The following UGDH variants were observed in gnomAD, a reference collection of about 807,000 sequenced individuals.
UGDH encodes UDP-glucose 6-dehydrogenase.
UGDH carries 38 observed loss-of-function variants against 50.6 expected under a neutral mutation model. The observed-to-expected ratio is 0.75, with a 90% CI of 0.58 to 0.98. UGDH has a LOEUF of 0.98. Ranked by LOEUF, UGDH falls within the 50% of genes least tolerant of loss-of-function variation. The probability of loss-of-function intolerance (pLI) is 0.00; values close to 1 mark genes in which losing one functional copy is unlikely to be tolerated. For missense variants in UGDH, 465 were observed against 606.2 expected (o/e 0.77, Z 2.45); for synonymous variants, 168 against 199.9 (o/e 0.84, Z 1.35).
Position 39,521,527 on chromosome 4 carries a change from G to T in UGDH, c.-7-8C>A, listed in dbSNP as rs1746662109. The stretch of plus-strand genomic sequence containing the variant: ...ATTTCAAACATGATTGTACTAGAAG[G>T]AAAACAGTAAGACTGTTCTAGTATT... On this transcript the variant is annotated splice_polypyrimidine_tract_variant and splice_region_variant and intron_variant, in intron 1 of 11. Coordinates refer to ENST00000316423, the MANE Select transcript of UGDH (RefSeq NM_003359.4). The T allele has an allele frequency of 6.4e-7, 1 of 1,572,822 alleles. No homozygotes were observed. Among genetic ancestry groups the T allele is most frequent in the Non-Finnish European group, 8.6e-7 (1 of 1,159,654 alleles).
chr4:39,506,971 A>C (rs1746054139), intron 7 of UGDH, among the ~76,000 whole-genome samples: 1 of 152,208 alleles, frequency 6.6e-6, no homozygotes, highest in South Asian at 2.1e-4. Context: ...TAGGCTGGAC[A>C]ACACAGTGAG....
chr4:39,526,528 G>A (rs893850716), intron 1 of UGDH: 3 of 152,550 alleles, frequency 2.0e-5, no homozygotes, highest in African/African-American at 7.2e-5. Context: ...TGTCTTTGAG[G>A]TCTGTCGATA....
At chr4:39,503,738 T>A (rs1002879063) in intron 11 of UGDH, 137 bp downstream of exon 11, 8 of 639,496 alleles carry the variant, frequency 1.3e-5, no homozygotes, top group African/African-American at 1.9e-5. Flanking sequence ...GAAGGTATCA[T>A]CTTAATTAGC....
chr4:39,508,828 T>C (rs888399097), intron 6 of UGDH, among the ~76,000 whole-genome samples, 168 bp from the exon 7 acceptor site: 1 of 151,740 alleles, frequency 6.6e-6, no homozygotes, highest in African/African-American at 2.4e-5. Flanking sequence ...TGCAGGCAAC[T>C]AAACAACTCC....
rs1198091840 is a variant in UGDH, at chr4:39,509,750, T to C, written c.811+10A>G. The C allele has an allele frequency of 6.9e-6, 11 of 1,596,044 alleles. No individual in the cohort carries two copies. Among genetic ancestry groups the C allele is most frequent in the African/African-American group, 2.7e-5 (2 of 73,668 alleles). On this transcript the variant is annotated intron_variant, in intron 6 of 11. Transcript: ENST00000316423. Reference sequence around the variant, plus strand: ...CTAGCTCTTTCTACTAGAGAAAAATTTGAATTTACCAACACTGGCTTTTAG... The same window carrying C: ...CTAGCTCTTTCTACTAGAGAAAAATCTGAATTTACCAACACTGGCTTTTAG...
intron 11 of UGDH, among the ~76,000 whole-genome samples, chr4:39,502,134 AG>A (rs1745842155): frequency 6.6e-6 from 1 of 152,230 alleles, no homozygotes; most frequent in African/African-American, 2.4e-5. Context: ...CTTTTCCCTT[AG>A]ATGAGTAAAA....
rs773469285 is a variant in UGDH at position 39,500,266 on chromosome 4, T to C, written c.1375-13A>G. 1.3e-6 allele frequency: 2 copies of C among 1,502,158 alleles called. No homozygotes were observed. The highest frequency in any genetic ancestry group is 3.6e-5 in the Admixed American group (2 of 55,078). The allele number at this position is 1,502,158 out of a possible 1,614,324, so 93.1% of individuals were successfully genotyped here. A position where few individuals can be genotyped will look rare whatever the true frequency, so the allele number is the denominator to read the frequency against. On this transcript the variant is annotated splice_polypyrimidine_tract_variant and intron_variant, in intron 11 of 11. Coordinates refer to ENST00000316423, the MANE Select transcript of UGDH (RefSeq NM_003359.4). ...CAATTGTTTCAATCTGAAAAAAAAA[T>C]AAAATTTAAGAGAACTATTAACAAT... is the stretch of plus-strand genomic sequence containing the variant.
Position 39,499,973 on chromosome 4 carries a change from T to C in UGDH, c.*170A>G. On this transcript the variant is annotated 3_prime_UTR_variant, in exon 12 of 12. Transcript: ENST00000316423. ...TGAACCTGGGAAGCAGAGCTTGCAGTGAGCCGAGATTGCACCACTGCACTC... is the reference window on the plus strand; with the variant it reads ...TGAACCTGGGAAGCAGAGCTTGCAGCGAGCCGAGATTGCACCACTGCACTC... 2.3e-6 allele frequency: 1 copy of C among 443,982 alleles called. No homozygotes were observed. Among genetic ancestry groups the C allele is most frequent in the Non-Finnish European group, 4.1e-6 (1 of 245,462 alleles). 27.5% of individuals were successfully genotyped at this position (443,982 alleles called of 1,614,324 possible).
chr4:39,520,995 G>A (rs1198144043), intron 2 of UGDH, among the ~76,000 whole-genome samples: 3 of 149,696 alleles, frequency 2.0e-5, no homozygotes, highest in Non-Finnish European at 3.0e-5. Flanking sequence ...GTTTGAACCC[G>A]TGAGGTGGGT....
intron 7 of UGDH, among the ~76,000 whole-genome samples, chr4:39,507,669 C>T (rs1746079906): frequency 6.6e-6 from 1 of 152,102 alleles, no homozygotes; most frequent in Non-Finnish European, 1.5e-5. Flanking sequence ...AAGAATTAGG[C>T]TAGGTTCACT....
chr4:39,514,918 G>T (rs371226360), intron 2 of UGDH, among the ~76,000 whole-genome samples: 5 of 151,968 alleles, frequency 3.3e-5, no homozygotes, highest in East Asian at 3.9e-4. Context: ...CTGACCTCAG[G>T]TAATCCACCT....
chr4:39,518,745 C>A (rs758280708), intron 2 of UGDH, among the ~76,000 whole-genome samples: 16 of 152,126 alleles, frequency 1.1e-4, no homozygotes, highest in Non-Finnish European at 2.2e-4. Flanking sequence ...AAGCATGAGC[C>A]ACTGTGCCTG....
chr4:39,505,025 G>A (rs1745972745), intron 9 of UGDH, among the ~76,000 whole-genome samples: 1 of 152,184 alleles, frequency 6.6e-6, no homozygotes, highest in African/African-American at 2.4e-5. Context: ...GATTTGTGGA[G>A]TATGTTGGAA....
intron 2 of UGDH, among the ~76,000 whole-genome samples, chr4:39,515,490 C>G (rs1228724090): frequency 2.7e-5 from 3 of 110,250 alleles, no homozygotes; most frequent in Non-Finnish European, 5.9e-5. Flanking sequence ...TGCAAGGAAC[C>G]CTTTTATTTA....
At chr4:39,513,768 C>T (rs1746337916) in intron 3 of UGDH, among the ~76,000 whole-genome samples, 1 of 151,922 alleles carries the variant, frequency 6.6e-6, no homozygotes, top group African/African-American at 2.4e-5. Flanking sequence ...ATCTCTTGAC[C>T]TTGTGATCTG....
At chr4:39,527,040 C>A (rs1296832774) in intron 1 of UGDH, 10 of 1,289,376 alleles carry the variant, frequency 7.8e-6, no homozygotes, top group Non-Finnish European at 1.0e-5. Flanking sequence ...AGAGAAGGGG[C>A]TGGAAGACTC....
At position 39,500,216 on chromosome 4, in the gene UGDH, A is replaced by G; in HGVS notation, c.1412T>C (p.Ile471Thr). The G allele has an allele frequency of 1.2e-6, 2 of 1,603,936 alleles. No individual in the cohort carries two copies. The highest frequency in any genetic ancestry group is 2.2e-5 in the East Asian group (1 of 44,808). Residue 471 changes from isoleucine to threonine, a missense_variant, in exon 12 of 12, where the codon ATT becomes ACT. Ile to Thr is a moderately conservative substitution (Grantham distance 89). Coordinates refer to ENST00000316423, the MANE Select transcript of UGDH (RefSeq NM_003359.4). ...AATTTCACCAGAAGGAGCATATGGA[A>G]TTCTCTTTGAAGACACCTTTTTGCC... ...TIGKKVSSKR[I>T]PYAPSGEIPK...
chr4:39,516,110 A>G (rs555517277), intron 2 of UGDH, among the ~76,000 whole-genome samples: 36 of 152,202 alleles, frequency 2.4e-4, no homozygotes, highest in Admixed American at 1.2e-3. Context: ...GCGAAACCCC[A>G]TTTCTACTAA....
intron 11 of UGDH, 152 bp from the exon 12 acceptor site, chr4:39,500,405 C>G: frequency 1.9e-6 from 1 of 533,878 alleles, no homozygotes; most frequent in East Asian, 2.9e-5. Flanking sequence ...TCTTTGGTTT[C>G]TTCCCTATTT....
Sources: gnomAD v4.1 joint callset for allele counts (sites outside exome capture counted in the v4.1 genomes callset) on GRCh38, gnomAD v4.1.1 for gene constraint, MANE v1.5 for transcripts, NCBI Gene and HGNC (gene_info 2026-07-23, HGNC 2026-07-21) for gene names.